LRP6: variants seen among roughly 807,000 people sequenced by gnomAD.
LRP6 encodes LDL receptor related protein 6, also known as low-density lipoprotein receptor-related protein 6.
Under a neutral mutation model 184.1 loss-of-function variants are expected in LRP6, and 43 were observed. The observed-to-expected ratio is 0.23, with a 90% CI of 0.18 to 0.30. The LOEUF (loss-of-function observed/expected upper bound fraction) is 0.30, where lower values mean the gene tolerates loss of function less well. Ranked by LOEUF, LRP6 falls within the 10% of genes least tolerant of loss-of-function variation. The pLI, the probability that LRP6 is intolerant of heterozygous loss-of-function variation, is 1.00. For synonymous variants in LRP6, 719 were observed against 684.9 expected, an observed-to-expected ratio of 1.05 and a Z score of -0.78; for missense variants, 1,571 against 2,005.3, an observed-to-expected ratio of 0.78 and a Z score of 4.14.
chr12:12,231,234 T>C (rs546358408), intron 2 of LRP6, among the ~76,000 whole-genome samples: 130 of 143,408 alleles, frequency 9.1e-4, no homozygotes, highest in Admixed American at 2.5e-3. Flanking sequence ...CCTGATGCTA[T>C]GACGACCCTG....
intron 3 of LRP6, chr12:12,187,422 G>A (rs1051439735): frequency 4.0e-5 from 16 of 401,994 alleles, no homozygotes; most frequent in Admixed American, 3.3e-4. Flanking sequence ...TTGCACTGCT[G>A]TCAAATCCTA....
At chr12:12,166,156 T>C (rs113191967) in intron 7 of LRP6, among the ~76,000 whole-genome samples, 48 of 152,316 alleles carry the variant, frequency 3.2e-4, no homozygotes, top group African/African-American at 1.1e-3. Context: ...ATGTTTTTAG[T>C]ATGAAATAAC....
intron 2 of LRP6, among the ~76,000 whole-genome samples, chr12:12,228,388 C>A (rs945343716): frequency 4.6e-5 from 7 of 152,038 alleles, no homozygotes; most frequent in African/African-American, 1.7e-4. Context: ...GAGAACCTAA[C>A]AGGAAGAGAT....
At chr12:12,132,209 G>A (rs1949770413) in intron 17 of LRP6, 152 bp from the exon 18 acceptor site, 1 of 678,842 alleles carries the variant, frequency 1.5e-6, no homozygotes. Flanking sequence ...TCTATTCAAA[G>A]AAGAAATAAA....
chr12:12,158,853 T>C lies in LRP6; in HGVS notation c.2767A>G (p.Asn923Asp). The C allele has an allele frequency of 6.2e-7, 1 of 1,614,140 alleles. No individual in the cohort carries two copies. Among genetic ancestry groups the C allele is most frequent in the Middle Eastern group, 1.6e-4 (1 of 6,062 alleles). ...CCACTACAAGTCCTGTTGTCAGCATTAAGAGAGTAGTGGGCAGGGCATCCA... is the reference window on the plus strand; with the variant it reads ...CCACTACAAGTCCTGTTGTCAGCATCAAGAGAGTAGTGGGCAGGGCATCCA... ...VCGCPAHYSL[N>D]ADNRTCSAPT... is the part of the protein sequence containing the mutation. Residue 923 changes from asparagine (N) to aspartate (D), a missense_variant, in exon 12 of 23, where the codon AAT becomes GAT. This residue lies in a region of LRP6 where 763 missense variants were observed against 859.5 expected (regional missense o/e 0.89). Coordinates refer to ENST00000261349, the MANE Select transcript of LRP6 (RefSeq NM_002336.3).
intron 8 of LRP6, among the ~76,000 whole-genome samples, chr12:12,164,769 T>C (rs1862827288): frequency 6.6e-6 from 1 of 151,994 alleles, no homozygotes; most frequent in Non-Finnish European, 1.5e-5. Flanking sequence ...TTTCCTTTAA[T>C]ACCACAGTAA....
chr12:12,196,168 T>C (rs1863753894), intron 3 of LRP6, among the ~76,000 whole-genome samples: 1 of 152,128 alleles, frequency 6.6e-6, no homozygotes, highest in African/African-American at 2.4e-5. Context: ...GCTTTGGCTA[T>C]TCAGGGTCTT....
At position 12,147,077 on chromosome 12, in the gene LRP6, G is replaced by A. The variant is rs11054705; in HGVS notation, c.3397+289C>T. ...TGAGGCAGGAGAATGGCGTGAACCC[G>A]GGAACTGCATTCCAGCCTGGGCGAT... On this transcript the variant is annotated intron_variant, in intron 15 of 22. Transcript: ENST00000261349. Among the ~76,000 whole-genome samples the A allele has an allele frequency of 0.074, 11,310 of 152,012 alleles. 497 individuals carry two copies. The highest frequency in any genetic ancestry group is 0.11 in the Admixed American group (1,641 of 15,264).
chr12:12,253,123 G>C (rs2135933418), intron 1 of LRP6, among the ~76,000 whole-genome samples: 1 of 152,250 alleles, frequency 6.6e-6, no homozygotes, highest in South Asian at 2.1e-4. Context: ...AATTAGCAGG[G>C]CGTGGTGGCG....
In LRP6 at chr12:12,255,683, T is replaced by C. The variant is rs577351975; in HGVS notation, c.55+10998A>G. 7.7e-4 allele frequency among the ~76,000 whole-genome samples: 114 copies of C among 147,500 alleles called. 1 individual carries two copies. The highest frequency in any genetic ancestry group is 3.5e-3 in the Middle Eastern group (1 of 288). ...CCTCCCAGGTTCAAGCGATTCTCCC[T>C]CCTCAGCCTCTCAAGCAGCTGGGAT... On this transcript the variant is annotated intron_variant, in intron 1 of 22. Transcript: ENST00000261349.
chr12:12,138,844 G>A (rs758216415), intron 15 of LRP6: 4 of 1,387,324 alleles, frequency 2.9e-6, no homozygotes, highest in African/African-American at 1.5e-5. Flanking sequence ...AGATAAAAAT[G>A]GCACTTCTCT....
At chr12:12,200,231 G>A (rs531079865) in intron 3 of LRP6, among the ~76,000 whole-genome samples, 2 of 152,098 alleles carry the variant, frequency 1.3e-5, no homozygotes, top group Non-Finnish European at 2.9e-5. Context: ...GTGTTTCCAC[G>A]AGATTTTTTG....
chr12:12,125,753 T>G lies in LRP6; in HGVS notation c.4313-321A>C, dbSNP rs12424361. Among the ~76,000 whole-genome samples the G allele has an allele frequency of 0.075, 11,412 of 152,014 alleles. 510 individuals carry two copies. The highest frequency in any genetic ancestry group is 0.11 in the Admixed American group (1,683 of 15,278). ...GAGGATTTGAAAGGATTGTAAAGGG[T>G]AGAGGTTGTGAGGCAGGGCATATTA... On this transcript the variant is annotated intron_variant, in intron 20 of 22. Transcript: ENST00000261349.
chr12:12,235,776 A>C (rs577768197), intron 2 of LRP6, among the ~76,000 whole-genome samples: 3 of 152,218 alleles, frequency 2.0e-5, no homozygotes, highest in South Asian at 2.1e-4. Flanking sequence ...AGCAAAGAGC[A>C]TACCTAGTTT....
intron 7 of LRP6, 54 bp downstream of exon 7, chr12:12,179,756 C>T (rs1863294921): frequency 3.8e-6 from 6 of 1,567,842 alleles, no homozygotes; most frequent in East Asian, 2.2e-5. Flanking sequence ...ATTATACTGT[C>T]GACTCAAAAC....
At position 12,150,868 on chromosome 12, in the gene LRP6, T is replaced by A. The variant is rs1392367398; in HGVS notation, c.2962A>T (p.Met988Leu). 7.4e-6 allele frequency: 12 copies of A among 1,613,968 alleles called. No individual in the cohort carries two copies. Among genetic ancestry groups the A allele is most frequent in the Non-Finnish European group, 1.0e-5 (12 of 1,180,018 alleles). The change falls in exon 13 of 23, where the codon ATG becomes TTG. Residue 988 changes from methionine to leucine, a missense_variant. This residue lies in a region of LRP6 where 763 missense variants were observed against 859.5 expected (regional missense o/e 0.89). Coordinates refer to ENST00000261349, the MANE Select transcript of LRP6 (RefSeq NM_002336.3). Reference protein sequence around the residue: ...QLYWIDSRQNMIRKAQEDGSQ... With the variant: ...QLYWIDSRQNLIRKAQEDGSQ... ...CCATCTTCTTGTGCCTTTCGGATCA[T>A]GTTTTGTCGTGAGTCAATCCAATAG...
At chr12:12,245,945 T>C (rs1865172393) in intron 1 of LRP6, among the ~76,000 whole-genome samples, 1 of 151,944 alleles carries the variant, frequency 6.6e-6, no homozygotes, top group African/African-American at 2.4e-5. Context: ...TATGGAGCGC[T>C]TAAAATGTGG....
At chr12:12,238,390 C>A (rs891118135) in intron 2 of LRP6, among the ~76,000 whole-genome samples, 2 of 151,918 alleles carry the variant, frequency 1.3e-5, no homozygotes, top group African/African-American at 4.8e-5. Context: ...GATAAGAATT[C>A]TCTAGAATTA....
chr12:12,161,659 G>C lies in LRP6; in HGVS notation c.2279+534C>G, dbSNP rs979739512. Among the ~76,000 whole-genome samples, 6 of 152,200 alleles carry C rather than the reference G, an allele frequency of 3.9e-5. No homozygotes were observed. In the East Asian group the frequency reaches 7.7e-4, roughly 20 times the overall value. On this transcript the variant is annotated intron_variant, in intron 10 of 22. Coordinates refer to ENST00000261349, the MANE Select transcript of LRP6 (RefSeq NM_002336.3). Reference sequence around the variant, plus strand: ...AAAAATTTGCTGACTCTTGTAAAAAGGAACACTCGCCCTTGAAAAACATCA... The same window carrying C: ...AAAAATTTGCTGACTCTTGTAAAAACGAACACTCGCCCTTGAAAAACATCA...
Sources: allele counts gnomAD v4.1 joint callset (sites outside exome capture counted in the v4.1 genomes callset), GRCh38; gene constraint gnomAD v4.1.1; regional missense constraint gnomAD v4.1.1; transcripts MANE v1.5; gene names NCBI Gene and HGNC (gene_info 2026-07-23, HGNC 2026-07-21).